Variants in ANAPC1 observed in about 807,000 individuals in gnomAD.
ANAPC1 encodes the protein anaphase-promoting complex subunit 1.
ANAPC1 carries 36 observed loss-of-function variants against 208.0 expected under a neutral mutation model. The ratio of observed to expected loss-of-function variants is 0.17; its 90% CI spans 0.13 to 0.23. The LOEUF is 0.23. ANAPC1 is among the 10% of genes least tolerant of loss of function. The pLI is 1.00. For missense variants in ANAPC1, 942 were observed against 2,011.6 expected (o/e 0.47, Z 10.17); for synonymous variants, 378 against 695.2 (o/e 0.54, Z 7.18).
intron 3 of ANAPC1, among the ~76,000 whole-genome samples, chr2:111,877,462 C>T (rs971833966): frequency 4.2e-4 from 64 of 152,186 alleles, no homozygotes; most frequent in Middle Eastern, 6.8e-3. Context: ...GATAATGAAT[C>T]CCCATCAGCC....
intron 2 of ANAPC1, 176 bp downstream of exon 2, chr2:111,880,437 T>G: frequency 9.5e-7 from 1 of 1,057,400 alleles, no homozygotes; most frequent in South Asian, 1.9e-5. Flanking sequence ...TCTAAATAAG[T>G]CGCTATGACA....
At chr2:111,858,718 C>T (rs1247799970) in intron 10 of ANAPC1, among the ~76,000 whole-genome samples, 1 of 149,472 alleles carries the variant, frequency 6.7e-6, no homozygotes, top group African/African-American at 2.5e-5. Flanking sequence ...GCCAAGATCA[C>T]GCCACTGCAC....
intron 6 of ANAPC1, among the ~76,000 whole-genome samples, chr2:111,868,995 C>T (rs772064084): frequency 3.9e-5 from 6 of 152,152 alleles, no homozygotes; most frequent in Non-Finnish European, 4.4e-5. Flanking sequence ...TGCTGCCCTT[C>T]GGTGTGCTCA....
intron 34 of ANAPC1, among the ~76,000 whole-genome samples, chr2:111,799,445 C>G (rs1678332741): frequency 6.6e-6 from 1 of 152,186 alleles, no homozygotes. Flanking sequence ...AATTCCAGCC[C>G]TACCTAATAG....
intron 39 of ANAPC1, among the ~76,000 whole-genome samples, chr2:111,785,992 T>C (rs1273254768): frequency 6.6e-6 from 1 of 152,192 alleles, no homozygotes; most frequent in African/African-American, 2.4e-5. Context: ...AACATCCATG[T>C]GGGTATGGCA....
intron 34 of ANAPC1, among the ~76,000 whole-genome samples, chr2:111,795,281 C>T (rs1182394678): frequency 6.6e-5 from 10 of 151,790 alleles, no homozygotes; most frequent in Non-Finnish European, 1.3e-4. Flanking sequence ...ACTTAGGAGG[C>T]TGAGGCAGTA....
At position 111,868,084 on chromosome 2, in the gene ANAPC1, A is replaced by T; in HGVS notation, c.624T>A (p.Pro208=). The change falls in exon 7 of 48, where the codon CCT becomes CCA. Residue 208 remains proline, a synonymous_variant. Transcript: ENST00000341068. Reference sequence around the variant, plus strand: ...GTGGGTGCAGCATGCTGAACATAGTAGGTAAAGGTTCTCTAGCAATAAACA... The same window carrying T: ...GTGGGTGCAGCATGCTGAACATAGTTGGTAAAGGTTCTCTAGCAATAAACA... ...VPPGSPREPL[P]TMFSMLHPLD... The T allele has an allele frequency of 6.3e-7, 1 of 1,590,076 alleles. No homozygotes were observed. Among genetic ancestry groups the T allele is most frequent in the Non-Finnish European group, 8.6e-7 (1 of 1,168,518 alleles).
intron 1 of ANAPC1, among the ~76,000 whole-genome samples, chr2:111,882,919 G>A (rs1048380729): frequency 1.3e-5 from 2 of 152,046 alleles, no homozygotes; most frequent in African/African-American, 4.8e-5. Context: ...TGTAATCCCA[G>A]CACTTTGGGT....
At chr2:111,823,911 A>C (rs1679683618) in intron 24 of ANAPC1, among the ~76,000 whole-genome samples, 2 of 147,462 alleles carry the variant, frequency 1.4e-5, no homozygotes, top group Non-Finnish European at 3.0e-5. Flanking sequence ...TGACCAGTAC[A>C]TCAATACTCA....
At chr2:111,837,244 CAAGTTCTAG>C (rs1327973061) in intron 18 of ANAPC1, among the ~76,000 whole-genome samples, 10 of 152,140 alleles carry the variant, frequency 6.6e-5, no homozygotes, top group African/African-American at 2.4e-4. Context: ...TTATTTACAT[CAAGTTCTAG>C]AACAGGTATA....
Position 111,767,705 on chromosome 2 carries a change from TAAC to T in ANAPC1, c.*1583_*1585del, listed in dbSNP as rs1431232932. On this transcript the variant is annotated 3_prime_UTR_variant, in exon 48 of 48. Transcript: ENST00000341068. Reference sequence around the variant, plus strand: ...CGTAAACAACGGAGAGTGAAGACAGTAACAACTGGTTTGATATTGAATTTTTAA... The same window carrying T: ...CGTAAACAACGGAGAGTGAAGACAGTAACTGGTTTGATATTGAATTTTTAA... 1 of 130,250 alleles carries T rather than the reference TAAC, an allele frequency of 7.7e-6. No homozygotes were observed. Among genetic ancestry groups the T allele is most frequent in the Non-Finnish European group, 1.6e-5 (1 of 61,028 alleles). 8.1% of individuals were successfully genotyped at this position (130,250 alleles called of 1,614,324 possible).
Position 111,828,641 on chromosome 2 carries a change from C to T in ANAPC1, c.2625+2645G>A, listed in dbSNP as rs557561241. ...TAAAACAATGTAATTTTGATACATG[C>T]TACAATATGGATGAACATTGAAAAC... On this transcript the variant is annotated intron_variant, in intron 21 of 47. Coordinates refer to ENST00000341068, the MANE Select transcript of ANAPC1 (RefSeq NM_022662.4). Among the ~76,000 whole-genome samples the T allele has an allele frequency of 2.6e-3, 399 of 152,288 alleles. 2 individuals are homozygous for T. Among genetic ancestry groups the T allele is most frequent in the Non-Finnish European group, 4.7e-3 (321 of 68,026 alleles).
In ANAPC1 at chr2:111,839,833, T is replaced by C. The variant is rs532440120; in HGVS notation, c.2041-1321A>G. On this transcript the variant is annotated intron_variant, in intron 17 of 47. Transcript: ENST00000341068. ...CCTGGAGTTATGAGAAAGTAGAAAC[T>C]GCCTGATAAGGATGGCTCTTTGTGC... Among the ~76,000 whole-genome samples, 398 of 152,272 alleles carry C rather than the reference T, an allele frequency of 2.6e-3. 4 individuals are homozygous for C. Among genetic ancestry groups the C allele is most frequent in the African/African-American group, 9.2e-3 (384 of 41,568 alleles).
Position 111,803,702 on chromosome 2 carries a change from T to TA in ANAPC1, c.4059+2dup. Reference sequence around the variant, plus strand: ...TTGATCTATTACTTTGCTGTGTACTTACTTTGATTTGATAACTTGGTGATT... The same window carrying TA: ...TTGATCTATTACTTTGCTGTGTACTTAACTTTGATTTGATAACTTGGTGATT... On this transcript the variant is annotated splice_region_variant and intron_variant, in intron 31 of 47. Transcript: ENST00000341068. The TA allele has an allele frequency of 1.4e-6, 1 of 739,804 alleles. No individual in the cohort carries two copies. 45.8% of individuals were successfully genotyped at this position (739,804 alleles called of 1,614,324 possible). A position where few individuals can be genotyped will look rare whatever the true frequency, so the allele number is the denominator to read the frequency against.
chr2:111,798,428 T>C (rs529131667), intron 34 of ANAPC1, among the ~76,000 whole-genome samples: 3 of 152,048 alleles, frequency 2.0e-5, no homozygotes, highest in African/African-American at 7.2e-5. Flanking sequence ...ATTAAAAACT[T>C]GGGTGCTGAG....
intron 34 of ANAPC1, among the ~76,000 whole-genome samples, chr2:111,798,817 G>T (rs1306541468): frequency 2.0e-5 from 3 of 152,366 alleles, no homozygotes; most frequent in Admixed American, 2.0e-4. Flanking sequence ...GGCAGATCAC[G>T]AGGTCAGGAG....
chr2:111,858,631 A>G lies in ANAPC1; in HGVS notation c.1263-230T>C, dbSNP rs566852872. On this transcript the variant is annotated intron_variant, in intron 10 of 47. Transcript: ENST00000341068. ...AAATAAATTAGCCAGGCATGATGGC[A>G]GGCGCCTGTGGTCGCAGCTACTCTG... is the stretch of plus-strand genomic sequence containing the variant. Among the ~76,000 whole-genome samples the G allele has an allele frequency of 4.6e-3, 704 of 151,910 alleles. 4 individuals carry two copies. The highest frequency in any genetic ancestry group is 0.014 in the African/African-American group (560 of 41,442).
Position 111,858,369 on chromosome 2 carries a change from A to G in ANAPC1, c.1295T>C (p.Ile432Thr), listed in dbSNP as rs1241773484. 1 of 1,613,700 alleles carries G rather than the reference A, an allele frequency of 6.2e-7. No individual in the cohort carries two copies. ...EKNSQASKVFITSDLCGQKFL... is the reference protein window; with the variant it reads ...EKNSQASKVFTTSDLCGQKFL... ...CTTTTGCCCACATAGGTCAGATGTAATAAACACTTTTGAGGCTTGTGAATT... is the reference window on the plus strand; with the variant it reads ...CTTTTGCCCACATAGGTCAGATGTAGTAAACACTTTTGAGGCTTGTGAATT... The change falls in exon 11 of 48, where the codon ATT (isoleucine) becomes ACT (threonine). Residue 432 changes from isoleucine (I) to threonine (T), a missense_variant. By Grantham distance (89) the Ile-to-Thr change is moderately conservative. Coordinates refer to ENST00000341068, the MANE Select transcript of ANAPC1 (RefSeq NM_022662.4).
At chr2:111,775,691 T>C (rs1264821993) in intron 46 of ANAPC1, among the ~76,000 whole-genome samples, 2 of 152,070 alleles carry the variant, frequency 1.3e-5, no homozygotes, top group Non-Finnish European at 2.9e-5. Flanking sequence ...ACTGCCAAAG[T>C]TCCATACATT....
Sources: gnomAD v4.1 joint callset for allele counts (sites outside exome capture counted in the v4.1 genomes callset) on GRCh38, gnomAD v4.1.1 for gene constraint, MANE v1.5 for transcripts, NCBI Gene and HGNC (gene_info 2026-07-23, HGNC 2026-07-21) for gene names.